Variants in ARHGAP26 observed in about 807,000 individuals in gnomAD.
ARHGAP26 encodes the protein Rho GTPase activating protein 26, also known as rho GTPase-activating protein 26.
Under a neutral mutation model 104.8 loss-of-function variants are expected in ARHGAP26, and 38 were observed. The observed-to-expected ratio is 0.36, with a 90% CI of 0.28 to 0.48. ARHGAP26 has a LOEUF of 0.48. Among genes scored for constraint, ARHGAP26 ranks in the 20% least tolerant of loss-of-function variants. The probability of loss-of-function intolerance (pLI) is 0.99; values close to 1 mark genes in which losing one functional copy is unlikely to be tolerated. For missense variants in ARHGAP26, 704 were observed against 947.9 expected (o/e 0.74, Z 3.38); for synonymous variants, 341 against 340.0 (o/e 1.00, Z -0.03).
At chr5:143,101,684 C>G (rs1460086477) in intron 17 of ARHGAP26, among the ~76,000 whole-genome samples, 6 of 151,172 alleles carry the variant, frequency 4.0e-5, no homozygotes, top group African/African-American at 1.5e-4. Context: ...ACACTGTTGC[C>G]TTGAACAATT....
intron 11 of ARHGAP26, among the ~76,000 whole-genome samples, chr5:143,004,567 T>C (rs1228409917): frequency 6.6e-6 from 1 of 152,214 alleles, no homozygotes; most frequent in Admixed American, 6.5e-5. Flanking sequence ...CCTCCTGCTT[T>C]AGTGGACCAT....
intron 1 of ARHGAP26, among the ~76,000 whole-genome samples, chr5:142,782,019 C>A (rs753605685): frequency 6.6e-6 from 1 of 152,098 alleles, no homozygotes; most frequent in Non-Finnish European, 1.5e-5. Context: ...CTGGCCGATT[C>A]ATGGTGTTTT....
At chr5:142,850,692 G>T (rs968311947) in intron 1 of ARHGAP26, among the ~76,000 whole-genome samples, 3 of 152,172 alleles carry the variant, frequency 2.0e-5, no homozygotes, top group African/African-American at 4.8e-5. Context: ...CACATAGTAG[G>T]TCCTCTATTA....
intron 1 of ARHGAP26, among the ~76,000 whole-genome samples, chr5:142,867,555 C>A (rs1754537858): frequency 6.6e-6 from 1 of 152,128 alleles, no homozygotes; most frequent in Non-Finnish European, 1.5e-5. Context: ...AAAGAGCGAT[C>A]TCTGGGGACT....
At chr5:143,085,295 A>G (rs1395254554) in intron 17 of ARHGAP26, among the ~76,000 whole-genome samples, 1 of 152,152 alleles carries the variant, frequency 6.6e-6, no homozygotes, top group Non-Finnish European at 1.5e-5. Flanking sequence ...TAGGGGAGAC[A>G]TTCACCAGTT....
Position 143,226,191 on chromosome 5 carries a change from G to A in ARHGAP26, c.*3745G>A. 2 of 183,974 alleles carry A rather than the reference G, an allele frequency of 1.1e-5. No individual in the cohort carries two copies. The highest frequency in any genetic ancestry group is 2.3e-5 in the Non-Finnish European group (2 of 86,630). 11.4% of individuals were successfully genotyped at this position (183,974 alleles called of 1,614,324 possible). A position where few individuals can be genotyped will look rare whatever the true frequency, so the allele number is the denominator to read the frequency against. On this transcript the variant is annotated 3_prime_UTR_variant, in exon 23 of 23. Coordinates refer to ENST00000645722, the MANE Select transcript of ARHGAP26 (RefSeq NM_001135608.3). ...TTACTAACAAAATTTCGTAGCTAAA[G>A]AATGCCATGGCCGGGTGCAGTGGCT...
At chr5:142,828,187 A>G (rs1431503455) in intron 1 of ARHGAP26, among the ~76,000 whole-genome samples, 4 of 152,226 alleles carry the variant, frequency 2.6e-5, no homozygotes, top group Non-Finnish European at 4.4e-5. Flanking sequence ...TGAAATAACA[A>G]CAATACTCAG....
At chr5:142,813,641 C>T (rs1019186317) in intron 1 of ARHGAP26, among the ~76,000 whole-genome samples, 1 of 152,222 alleles carries the variant, frequency 6.6e-6, no homozygotes, top group Non-Finnish European at 1.5e-5. Flanking sequence ...CTTGTCTTCT[C>T]CCAGTATCTT....
chr5:142,941,863 T>C (rs2152561396), intron 11 of ARHGAP26, among the ~76,000 whole-genome samples: 1 of 152,380 alleles, frequency 6.6e-6, no homozygotes, highest in South Asian at 2.1e-4. Context: ...GCTTGAACTT[T>C]ATGACTTATA....
chr5:143,170,712 A>G (rs1802657682), intron 20 of ARHGAP26: 1 of 152,216 alleles, frequency 6.6e-6, no homozygotes, highest in South Asian at 2.1e-4. Context: ...GAGATTACCT[A>G]ACTTACCTGA....
intron 11 of ARHGAP26, among the ~76,000 whole-genome samples, chr5:142,987,571 G>T (rs547164689): frequency 2.6e-4 from 39 of 152,262 alleles, no homozygotes; most frequent in Non-Finnish European, 5.3e-4. Flanking sequence ...CCTGTCTTGT[G>T]CCAGTTTTCA....
intron 11 of ARHGAP26, among the ~76,000 whole-genome samples, chr5:143,006,316 CTTTTTTTT>C (rs34154406): frequency 2.7e-5 from 3 of 112,874 alleles, no homozygotes; most frequent in African/African-American, 9.4e-5. Flanking sequence ...AGTGTTTTTT[CTTTTTTTT>C]TTTTTTTTTT....
At chr5:142,899,310 A>G (rs1759935316) in intron 6 of ARHGAP26, among the ~76,000 whole-genome samples, 1 of 152,220 alleles carries the variant, frequency 6.6e-6, no homozygotes, top group Non-Finnish European at 1.5e-5. Flanking sequence ...TGTTCTATGA[A>G]TGGTGACAAT....
chr5:143,217,512 A>G (rs1810518934), intron 22 of ARHGAP26, among the ~76,000 whole-genome samples: 1 of 152,198 alleles, frequency 6.6e-6, no homozygotes, highest in Admixed American at 6.5e-5. Context: ...GGCAGTCACT[A>G]AAATTGGGTT....
At chr5:142,984,127 A>G (rs913699356) in intron 11 of ARHGAP26, among the ~76,000 whole-genome samples, 9 of 152,132 alleles carry the variant, frequency 5.9e-5, no homozygotes, top group African/African-American at 2.2e-4. Context: ...AGGCTGCTGC[A>G]CCTCCTGGCC....
intron 1 of ARHGAP26, among the ~76,000 whole-genome samples, chr5:142,782,834 A>T (rs1757796410): frequency 6.6e-6 from 1 of 152,230 alleles, no homozygotes; most frequent in Non-Finnish European, 1.5e-5. Context: ...GGCCTGTGGT[A>T]AGTGACCTGT....
At chr5:142,941,000 A>C (rs1191795677) in intron 11 of ARHGAP26, among the ~76,000 whole-genome samples, 2 of 133,700 alleles carry the variant, frequency 1.5e-5, no homozygotes, top group Non-Finnish European at 3.1e-5. Context: ...GCATGAACCC[A>C]GGAGGCGGAG....
intron 10 of ARHGAP26, among the ~76,000 whole-genome samples, chr5:142,919,732 C>A (rs1205296134): frequency 6.6e-6 from 1 of 152,214 alleles, no homozygotes; most frequent in Non-Finnish European, 1.5e-5. Flanking sequence ...CGTGATGACT[C>A]ATGCCTGTAA....
chr5:143,145,515 T>C (rs958918380), intron 19 of ARHGAP26, among the ~76,000 whole-genome samples: 1 of 152,216 alleles, frequency 6.6e-6, no homozygotes, highest in Non-Finnish European at 1.5e-5. Context: ...TTCATACTGA[T>C]AAATGGCACA....
Sources: allele counts gnomAD v4.1 joint callset (sites outside exome capture counted in the v4.1 genomes callset), GRCh38; gene constraint gnomAD v4.1.1; transcripts MANE v1.5; gene names NCBI Gene and HGNC (gene_info 2026-07-23, HGNC 2026-07-21).